Variants in EPHA6 observed in about 807,000 individuals in gnomAD.
The protein encoded by EPHA6 is EPH receptor A6, also known as ephrin type-A receptor 6.
A neutral mutation model predicts 112.0 loss-of-function variants in EPHA6; 50 were observed. The ratio of observed to expected loss-of-function variants is 0.45; its 90% CI spans 0.36 to 0.56. The LOEUF is 0.56. EPHA6 is among the 20% of genes least tolerant of loss of function. The pLI, the probability that EPHA6 is intolerant of heterozygous loss-of-function variation, is 0.00. For missense variants in EPHA6, 1,280 were observed against 1,417.4 expected (o/e 0.90, Z 1.56); for synonymous variants, 529 against 490.7 (o/e 1.08, Z -1.03).
chr3:97,219,180 G>A (rs187966555), intron 3 of EPHA6, among the ~76,000 whole-genome samples: 8 of 152,174 alleles, frequency 5.3e-5, no homozygotes, highest in Admixed American at 2.0e-4. Context: ...CAGGCACATG[G>A]TGCAGGCTGT....
chr3:96,928,548 A>T (rs1301007136), intron 2 of EPHA6, among the ~76,000 whole-genome samples: 1 of 152,034 alleles, frequency 6.6e-6, no homozygotes, highest in Non-Finnish European at 1.5e-5. Context: ...ATTGTGTGTC[A>T]ATTTGAGAGT....
intron 7 of EPHA6, among the ~76,000 whole-genome samples, chr3:97,463,208 G>A (rs190208695): frequency 1.2e-4 from 18 of 152,106 alleles, no homozygotes; most frequent in South Asian, 2.1e-4. Flanking sequence ...CCATTAACTC[G>A]TCATTTACAT....
rs149941411 is a variant in EPHA6 at position 96,892,915 on chromosome 3, G to A, written c.450+26026G>A. ...TATTAGTCACTTTTTATCTAGTCTA[G>A]TGTTTAGCCTAGCCTGATTCCAACT... On this transcript the variant is annotated intron_variant, in intron 2 of 17. Coordinates refer to ENST00000389672, the MANE Select transcript of EPHA6 (RefSeq NM_001080448.3). Among the ~76,000 whole-genome samples, 965 of 151,336 alleles carry A rather than the reference G, an allele frequency of 6.4e-3. 7 individuals carry two copies. The highest frequency in any genetic ancestry group is 0.021 in the African/African-American group (874 of 41,126).
rs550246120 is a variant in EPHA6 at position 97,576,229 on chromosome 3, C to G, written c.2387-16383C>G. Among the ~76,000 whole-genome samples the G allele has an allele frequency of 4.6e-5, 7 of 152,202 alleles. No individual in the cohort carries two copies. In the South Asian group the frequency reaches 1.5e-3, roughly 32 times the overall value. On this transcript the variant is annotated intron_variant, in intron 11 of 17. Transcript: ENST00000389672. ...GAGGTTAATGGCAAGTGAGTTCTAT[C>G]TAAACATCCTATAAAGCTTCAAGAA...
intron 3 of EPHA6, among the ~76,000 whole-genome samples, chr3:97,191,353 T>C (rs1192218794): frequency 3.3e-5 from 5 of 152,040 alleles, no homozygotes; most frequent in Non-Finnish European, 7.4e-5. Context: ...TATTTTTAAA[T>C]ATACAATAAA....
At chr3:96,909,684 G>T (rs942202223) in intron 2 of EPHA6, among the ~76,000 whole-genome samples, 1 of 151,814 alleles carries the variant, frequency 6.6e-6, no homozygotes, top group African/African-American at 2.4e-5. Flanking sequence ...TACATCTTAT[G>T]AGGAACCCTT....
intron 13 of EPHA6, among the ~76,000 whole-genome samples, chr3:97,619,438 G>C (rs77884140): frequency 0.04 from 5,938 of 148,572 alleles, 416 homozygotes; most frequent in African/African-American, 0.13. Context: ...GAAAAAGGGG[G>C]GGGGGGGCAT....
chr3:97,324,568 C>T (rs72926322), intron 5 of EPHA6, among the ~76,000 whole-genome samples: 5,702 of 135,314 alleles, frequency 0.042, 387 homozygotes, highest in African/African-American at 0.14. Context: ...GATGGAGCTT[C>T]GCTCTTTTTG....
intron 6 of EPHA6, among the ~76,000 whole-genome samples, chr3:97,422,415 T>C (rs1354466546): frequency 6.6e-6 from 1 of 152,112 alleles, no homozygotes; most frequent in African/African-American, 2.4e-5. Context: ...AGTATCAAAA[T>C]ATATACACCC....
At chr3:96,945,875 C>T (rs1324172695) in intron 2 of EPHA6, among the ~76,000 whole-genome samples, 1 of 152,100 alleles carries the variant, frequency 6.6e-6, no homozygotes, top group Non-Finnish European at 1.5e-5. Flanking sequence ...TTAGGATTCA[C>T]ACTTTTTGTT....
intron 5 of EPHA6, among the ~76,000 whole-genome samples, chr3:97,247,374 G>A (rs966072570): frequency 6.6e-6 from 1 of 151,914 alleles, no homozygotes; most frequent in African/African-American, 2.4e-5. Flanking sequence ...CAGTTAATAA[G>A]CAGGTAATTT....
At chr3:97,294,462 A>T (rs1453405095) in intron 5 of EPHA6, among the ~76,000 whole-genome samples, 1 of 151,270 alleles carries the variant, frequency 6.6e-6, no homozygotes, top group Non-Finnish European at 1.5e-5. Context: ...TGTCATTTTT[A>T]AAATTCATTC....
chr3:97,552,865 A>G (rs560678753), intron 11 of EPHA6, among the ~76,000 whole-genome samples: 3 of 152,320 alleles, frequency 2.0e-5, no homozygotes, highest in African/African-American at 7.2e-5. Flanking sequence ...TTTCATAACA[A>G]TATTTTTCTT....
At chr3:97,680,359 T>C (rs992583025) in intron 14 of EPHA6, among the ~76,000 whole-genome samples, 3 of 152,214 alleles carry the variant, frequency 2.0e-5, no homozygotes, top group Admixed American at 6.6e-5. Flanking sequence ...CCCACAAGCA[T>C]GCCACCAGCC....
At chr3:96,900,642 A>G (rs1237998308) in intron 2 of EPHA6, among the ~76,000 whole-genome samples, 1 of 152,226 alleles carries the variant, frequency 6.6e-6, no homozygotes, top group Non-Finnish European at 1.5e-5. Flanking sequence ...TTGATTTTGG[A>G]AATCCCTTAT....
At chr3:97,721,098 G>A (rs1009691680) in intron 15 of EPHA6, among the ~76,000 whole-genome samples, 12 of 152,056 alleles carry the variant, frequency 7.9e-5, no homozygotes, top group African/African-American at 1.2e-4. Flanking sequence ...TCCTCATCTC[G>A]AAATTCAGGC....
intron 14 of EPHA6, among the ~76,000 whole-genome samples, chr3:97,669,262 T>C (rs985571727): frequency 1.4e-5 from 2 of 147,902 alleles, no homozygotes; most frequent in Non-Finnish European, 3.0e-5. Context: ...TTCTGTTTTG[T>C]TTTTTTTTTC....
At chr3:96,941,930 G>A (rs1057247418) in intron 2 of EPHA6, among the ~76,000 whole-genome samples, 1 of 151,778 alleles carries the variant, frequency 6.6e-6, no homozygotes, top group African/African-American at 2.4e-5. Flanking sequence ...TAGAACAGCG[G>A]ATTTTCATGA....
intron 3 of EPHA6, among the ~76,000 whole-genome samples, chr3:97,163,535 G>A (rs2076465957): frequency 1.3e-5 from 2 of 152,100 alleles, no homozygotes; most frequent in African/African-American, 2.4e-5. Flanking sequence ...TTGGAATATA[G>A]GACACCTCCT....
Sources: allele counts gnomAD v4.1 joint callset (sites outside exome capture counted in the v4.1 genomes callset), GRCh38; gene constraint gnomAD v4.1.1; transcripts MANE v1.5; gene names NCBI Gene and HGNC (gene_info 2026-07-23, HGNC 2026-07-21).